The following KIF13A variants were observed in gnomAD, a reference collection of about 807,000 sequenced individuals.
KIF13A encodes the protein kinesin family member 13A.
KIF13A carries 79 observed loss-of-function variants against 212.2 expected under a neutral mutation model. The observed-to-expected ratio is 0.37, with a 90% CI of 0.31 to 0.45. The LOEUF (loss-of-function observed/expected upper bound fraction) is 0.45, where lower values mean the gene tolerates loss of function less well. KIF13A is among the 20% of genes least tolerant of loss of function. The pLI, the probability that KIF13A is intolerant of heterozygous loss-of-function variation, is 1.00. For missense variants in KIF13A, 1,901 were observed against 2,209.0 expected (o/e 0.86, Z 2.79); for synonymous variants, 789 against 808.6 (o/e 0.98, Z 0.41).
intron 2 of KIF13A, among the ~76,000 whole-genome samples, chr6:17,932,343 A>C (rs867509431): frequency 6.6e-6 from 1 of 152,238 alleles, no homozygotes; most frequent in African/African-American, 2.4e-5. Flanking sequence ...AAAATGCTTC[A>C]TAGAACTAAT....
chr6:17,984,717 A>G lies in KIF13A; in HGVS notation c.146+2337T>C, dbSNP rs1209761050. Among the ~76,000 whole-genome samples the G allele has an allele frequency of 1.3e-5, 2 of 152,188 alleles. No homozygotes were observed. Among genetic ancestry groups the G allele is most frequent in the African/African-American group, 4.8e-5 (2 of 41,450 alleles). ...TGGTAATTTCTTGCAACTTTCAGAA[A>G]AACAGTAATTCTCAATTTGACACAG... is the stretch of plus-strand genomic sequence containing the variant. On this transcript the variant is annotated intron_variant, in intron 2 of 38. Coordinates refer to ENST00000259711, the MANE Select transcript of KIF13A (RefSeq NM_022113.6). This position sits in a 1 kb window ranked among gnomAD's most constrained non-coding sequence, Gnocchi z 5.0.
rs1263859316 is a variant in KIF13A, at chr6:17,816,992, T to C, written c.2000+28A>G. On this transcript the variant is annotated intron_variant, in intron 17 of 38. Transcript: ENST00000259711. This position sits in a 1 kb window ranked among gnomAD's most constrained non-coding sequence, Gnocchi z 4.3. Reference sequence around the variant, plus strand: ...AGACCCACGGCCTTGGGGCCTTGACTCTGGGCTGCCCCCGCTGCAGTTCTT... The same window carrying C: ...AGACCCACGGCCTTGGGGCCTTGACCCTGGGCTGCCCCCGCTGCAGTTCTT... 3 of 1,581,608 alleles carry C rather than the reference T, an allele frequency of 1.9e-6. No homozygotes were observed. The highest frequency in any genetic ancestry group is 2.3e-5 in the South Asian group (2 of 88,272).
In KIF13A at chr6:17,825,507, G is replaced by A. The variant is rs1410702875; in HGVS notation, c.1786+261C>T. On this transcript the variant is annotated intron_variant, in intron 16 of 38. Coordinates refer to ENST00000259711, the MANE Select transcript of KIF13A (RefSeq NM_022113.6). This position sits in a 1 kb window ranked among gnomAD's most constrained non-coding sequence, Gnocchi z 4.5. ...CAAAATCATTCAGTACTCTAGGCCC[G>A]TGGAAATGTCACCACAATTCGCTTG... 6.6e-5 allele frequency among the ~76,000 whole-genome samples: 10 copies of A among 152,126 alleles called. No individual in the cohort carries two copies. Among genetic ancestry groups the A allele is most frequent in the Non-Finnish European group, 1.2e-4 (8 of 68,030 alleles).
intron 9 of KIF13A, among the ~76,000 whole-genome samples, chr6:17,846,604 TAA>T (rs11431431): frequency 0.029 from 3,631 of 126,968 alleles, 171 homozygotes; most frequent in African/African-American, 0.095. Context: ...CCCATTTCTT[TAA>T]AAAAAAAAAA....
At chr6:17,792,032 A>C (rs1183805273) in intron 25 of KIF13A, among the ~76,000 whole-genome samples, 2 of 151,542 alleles carry the variant, frequency 1.3e-5, no homozygotes, top group Non-Finnish European at 2.9e-5. Flanking sequence ...TGAAACCCCT[A>C]TCTCTACTAA....
intron 25 of KIF13A, among the ~76,000 whole-genome samples, chr6:17,791,440 C>T (rs1193221308): frequency 6.7e-6 from 1 of 150,348 alleles, no homozygotes; most frequent in Non-Finnish European, 1.5e-5. Flanking sequence ...ACAGACGTGA[C>T]CTGGAACATG....
At chr6:17,803,029 G>A (rs960931057) in intron 20 of KIF13A, among the ~76,000 whole-genome samples, 1 of 151,486 alleles carries the variant, frequency 6.6e-6, no homozygotes, top group Non-Finnish European at 1.5e-5. Context: ...CACCTCCCGG[G>A]TTCAAGCGAT....
At chr6:17,913,078 C>T (rs1774210818) in intron 2 of KIF13A, among the ~76,000 whole-genome samples, 1 of 151,510 alleles carries the variant, frequency 6.6e-6, no homozygotes, top group Non-Finnish European at 1.5e-5. Context: ...TGAAACAGTG[C>T]TCAGCCAAAT....
intron 29 of KIF13A, 28 bp from the exon 30 acceptor site, chr6:17,781,329 C>G: frequency 1.3e-6 from 2 of 1,533,820 alleles, no homozygotes; most frequent in South Asian, 2.5e-5. Context: ...ACAGAAAAAA[C>G]AGTAGGGGAA....
At chr6:17,889,826 T>G (rs761018545) in intron 3 of KIF13A, among the ~76,000 whole-genome samples, 3 of 152,112 alleles carry the variant, frequency 2.0e-5, no homozygotes, top group Non-Finnish European at 4.4e-5. Context: ...CTCCTTGGTC[T>G]TGAATAAAAA....
At position 17,777,378 on chromosome 6, in the gene KIF13A, T is replaced by C. The variant is rs770489436; in HGVS notation, c.4093-24A>G. 4 of 1,540,720 alleles carry C rather than the reference T, an allele frequency of 2.6e-6. No individual in the cohort carries two copies. Among genetic ancestry groups the C allele is most frequent in the Non-Finnish European group, 3.5e-6 (4 of 1,141,106 alleles). On this transcript the variant is annotated intron_variant, in intron 33 of 38. Coordinates refer to ENST00000259711, the MANE Select transcript of KIF13A (RefSeq NM_022113.6). This position sits in a 1 kb window ranked among gnomAD's most constrained non-coding sequence, Gnocchi z 4.4. The stretch of plus-strand genomic sequence containing the variant: ...GCCTGTAAACATAATAATTTGAAAA[T>C]AACACTTTTTTTTTTTTTCCCCAGA...
At chr6:17,865,443 G>A (rs1007785438) in intron 4 of KIF13A, among the ~76,000 whole-genome samples, 2 of 152,100 alleles carry the variant, frequency 1.3e-5, no homozygotes, top group South Asian at 2.1e-4. Context: ...CGATTTTGAT[G>A]AGTCTGGACT....
intron 20 of KIF13A, among the ~76,000 whole-genome samples, chr6:17,803,774 A>G (rs1385501155): frequency 1.3e-5 from 2 of 152,208 alleles, no homozygotes; most frequent in Admixed American, 6.5e-5. Flanking sequence ...AGAGCTGAAT[A>G]TGGTTTCCAA....
chr6:17,779,929 G>T (rs1335260903), intron 31 of KIF13A, among the ~76,000 whole-genome samples: 16 of 151,080 alleles, frequency 1.1e-4, no homozygotes, highest in African/African-American at 3.9e-4. Flanking sequence ...TGTATTTTTA[G>T]TAGAGACGGG....
At position 17,777,837 on chromosome 6, in the gene KIF13A, A is replaced by T. The variant is rs200057507; in HGVS notation, c.4093-483T>A. ...ATTTGTTTAGCAATTTATCAAAAAT[A>T]TTTTTTTTAAGATAAATAAAACTGC... On this transcript the variant is annotated intron_variant, in intron 33 of 38. Coordinates refer to ENST00000259711, the MANE Select transcript of KIF13A (RefSeq NM_022113.6). This position sits in a 1 kb window ranked among gnomAD's most constrained non-coding sequence, Gnocchi z 4.4. 1.8e-3 allele frequency among the ~76,000 whole-genome samples: 112 copies of T among 64,000 alleles called. No homozygotes were observed. The highest frequency in any genetic ancestry group is 3.8e-3 in the African/African-American group (107 of 28,182). 42.0% of individuals were successfully genotyped at this position (64,000 alleles called of 152,430 possible).
At position 17,811,621 on chromosome 6, in the gene KIF13A, G is replaced by GT. The variant is rs1428160264; in HGVS notation, c.2001-2692dup. ...TCTCAACCCATCAACATTCATGTAG[G>GT]TAAGAGTCCTTCATTATTTCACAAC... On this transcript the variant is annotated intron_variant, in intron 17 of 38. Coordinates refer to ENST00000259711, the MANE Select transcript of KIF13A (RefSeq NM_022113.6). This position sits in a 1 kb window ranked among gnomAD's most constrained non-coding sequence, Gnocchi z 6.0. Among the ~76,000 whole-genome samples the GT allele has an allele frequency of 1.3e-5, 2 of 152,148 alleles. No homozygotes were observed. Among genetic ancestry groups the GT allele is most frequent in the African/African-American group, 4.8e-5 (2 of 41,440 alleles).
intron 2 of KIF13A, among the ~76,000 whole-genome samples, chr6:17,935,030 C>T (rs1362587401): frequency 6.6e-6 from 1 of 152,182 alleles, no homozygotes; most frequent in East Asian, 1.9e-4. Flanking sequence ...ACAGCAACTT[C>T]ACTTGTTGGC....
Position 17,849,775 on chromosome 6 carries a change from A to G in KIF13A, c.718-286T>C, listed in dbSNP as rs1263349015. On this transcript the variant is annotated intron_variant, in intron 8 of 38. Transcript: ENST00000259711. This position sits in a 1 kb window ranked among gnomAD's most constrained non-coding sequence, Gnocchi z 5.7. ...GGAGATTTAAAATGCCTATGAGGAGATATGAGGACATGAGGATTTCTGCAC... is the reference window on the plus strand; with the variant it reads ...GGAGATTTAAAATGCCTATGAGGAGGTATGAGGACATGAGGATTTCTGCAC... 6.6e-6 allele frequency among the ~76,000 whole-genome samples: 1 copy of G among 152,208 alleles called. No homozygotes were observed. The highest frequency in any genetic ancestry group is 2.4e-5 in the African/African-American group (1 of 41,464).
chr6:17,770,386 T>G (rs1759394289), intron 38 of KIF13A: 1 of 87,604 alleles, frequency 1.1e-5, no homozygotes, highest in Non-Finnish European at 2.4e-5. Flanking sequence ...TTTTTTTTTG[T>G]AAATTGAGGT....
Sources: allele counts gnomAD v4.1 joint callset (sites outside exome capture counted in the v4.1 genomes callset), GRCh38; gene constraint gnomAD v4.1.1; non-coding constraint Gnocchi (gnomAD v3.1); transcripts MANE v1.5; gene names NCBI Gene and HGNC (gene_info 2026-07-23, HGNC 2026-07-21).